The following CNBD1 variants were observed in gnomAD, a reference collection of about 807,000 sequenced individuals.
CNBD1 encodes cyclic nucleotide-binding domain-containing protein 1.
In CNBD1, 71 loss-of-function variants were observed where a neutral mutation model predicts 54.4. The observed-to-expected ratio is 1.30, with a 90% CI of 1.08 to 1.59. CNBD1 has a LOEUF of 1.59. CNBD1 is among the 40% of genes most tolerant of loss of function. The probability of loss-of-function intolerance (pLI) is 0.00; values close to 1 mark genes in which losing one functional copy is unlikely to be tolerated. For synonymous variants in CNBD1, 182 were observed against 170.7 expected (o/e 1.07, Z -0.51); for missense variants, 659 against 518.0 (o/e 1.27, Z -2.64).
chr8:87,373,334 A>T (rs1810858641), intron 10 of CNBD1, among the ~76,000 whole-genome samples: 1 of 151,842 alleles, frequency 6.6e-6, no homozygotes, highest in Non-Finnish European at 1.5e-5. Context: ...ATATTGAAAT[A>T]TATTGTTGAC....
chr8:87,027,990 C>T (rs1809691829), intron 4 of CNBD1, among the ~76,000 whole-genome samples: 1 of 152,074 alleles, frequency 6.6e-6, no homozygotes, highest in African/African-American at 2.4e-5. Flanking sequence ...GAGAGGAGCC[C>T]ATCCCAGTGT....
chr8:86,946,252 C>A (rs185362934), intron 4 of CNBD1, among the ~76,000 whole-genome samples: 42 of 152,246 alleles, frequency 2.8e-4, no homozygotes, highest in African/African-American at 9.9e-4. Context: ...ATTCAAATTT[C>A]TCCTACAACT....
intron 4 of CNBD1, among the ~76,000 whole-genome samples, chr8:87,031,771 CG>C (rs1394774673): frequency 6.6e-6 from 1 of 152,080 alleles, no homozygotes; most frequent in African/African-American, 2.4e-5. Flanking sequence ...GATGGAGTCT[CG>C]CTCTATCACC....
downstream of CNBD1, chr8:87,382,895 C>A: frequency 5.9e-6 from 2 of 338,708 alleles, no homozygotes. Flanking sequence ...TCAAGTGTTT[C>A]GGTATACATG....
intron 6 of CNBD1, among the ~76,000 whole-genome samples, chr8:87,238,303 A>G (rs150172825): frequency 1.3e-5 from 2 of 152,220 alleles, no homozygotes; most frequent in Admixed American, 1.3e-4. Flanking sequence ...CCAAGAAACC[A>G]ATGTGGAAAC....
chr8:87,060,327 A>T (rs1810515829), intron 4 of CNBD1, among the ~76,000 whole-genome samples: 1 of 152,246 alleles, frequency 6.6e-6, no homozygotes, highest in Admixed American at 6.5e-5. Context: ...TAGAAAAAGA[A>T]TACAGAAATT....
rs183215342 is a variant in CNBD1, at chr8:87,084,439, A to T, written c.432-121554A>T. Reference sequence around the variant, plus strand: ...CTTTGTTTCTTCTTTGCTTTGAGAGATGTTCCCACTAATAAAGAAGTCTGG... The same window carrying T: ...CTTTGTTTCTTCTTTGCTTTGAGAGTTGTTCCCACTAATAAAGAAGTCTGG... On this transcript the variant is annotated intron_variant, in intron 4 of 10. Coordinates refer to ENST00000518476, the MANE Select transcript of CNBD1 (RefSeq NM_173538.3). Among the ~76,000 whole-genome samples, 186 of 152,200 alleles carry T rather than the reference A, an allele frequency of 1.2e-3. 1 individual carries two copies. The highest frequency in any genetic ancestry group is 6.0e-3 in the South Asian group (29 of 4,828).
rs191465057 is a variant in CNBD1 at position 87,312,880 on chromosome 8, T to C, written c.1042+26209T>C. ...AGATTGCCAAACTTCACAGGAGTTT[T>C]TAGGAAGATAGAGCTATGAGATTTG... On this transcript the variant is annotated intron_variant, in intron 8 of 10. Transcript: ENST00000518476. Among the ~76,000 whole-genome samples, 425 of 152,134 alleles carry C rather than the reference T, an allele frequency of 2.8e-3. 1 individual carries two copies. Among genetic ancestry groups the C allele is most frequent in the Admixed American group, 4.6e-3 (70 of 15,244 alleles).
rs531448511 is a variant in CNBD1 at position 87,166,819 on chromosome 8, C to T, written c.432-39174C>T. On this transcript the variant is annotated intron_variant, in intron 4 of 10. Transcript: ENST00000518476. This position sits in a 1 kb window ranked among gnomAD's most constrained non-coding sequence, Gnocchi z 4.3. The stretch of plus-strand genomic sequence containing the variant: ...CCTGCTATGAACACCCTATGTCAGG[C>T]ATTCTGCAACCCCACCACAAACTCA... 1.1e-3 allele frequency among the ~76,000 whole-genome samples: 168 copies of T among 152,080 alleles called. 1 individual carries two copies. The South Asian group carries it at 0.03, about 27-fold the overall frequency.
chr8:87,318,399 TCAGG>T (rs1462138220), intron 8 of CNBD1, among the ~76,000 whole-genome samples: 1 of 152,132 alleles, frequency 6.6e-6, no homozygotes, highest in Non-Finnish European at 1.5e-5. Context: ...TTAATCTTTC[TCAGG>T]CAGGATCAGA....
intron 4 of CNBD1, among the ~76,000 whole-genome samples, chr8:86,979,704 T>A (rs1457299545): frequency 6.6e-6 from 1 of 152,202 alleles, no homozygotes; most frequent in African/African-American, 2.4e-5. Flanking sequence ...AAAACAGATT[T>A]TTATTTAGAA....
At chr8:86,898,561 G>A in intron 2 of CNBD1, among the ~76,000 whole-genome samples, 1 of 152,198 alleles carries the variant, frequency 6.6e-6, no homozygotes, top group Non-Finnish European at 1.5e-5. Context: ...CAAGCCAATT[G>A]AATGGAGAAA....
chr8:87,085,722 T>A (rs1811083272), intron 4 of CNBD1, among the ~76,000 whole-genome samples: 1 of 152,130 alleles, frequency 6.6e-6, no homozygotes, highest in South Asian at 2.1e-4. Flanking sequence ...TCTTGTACTT[T>A]TCTCAGCAGG....
At position 87,390,331 on chromosome 8, in the gene CNBD1, AT is replaced by A. The variant is rs1240320813; in HGVS notation, c.213+36550del. Among the ~76,000 whole-genome samples the A allele has an allele frequency of 2.0e-5, 3 of 152,172 alleles. No individual in the cohort carries two copies. The East Asian group carries it at 5.8e-4, about 29-fold the overall frequency. On this transcript the variant is annotated intron_variant, in intron 2 of 7. Coordinates refer to the CNBD1 transcript ENST00000521593. ...CAGGCAACCTACAGTATGGGAAAAA[AT>A]TTTTGCAATCTACTCATCTGACAAA...
chr8:86,933,972 T>G (rs1809501550), intron 3 of CNBD1, among the ~76,000 whole-genome samples: 1 of 152,134 alleles, frequency 6.6e-6, no homozygotes, highest in Non-Finnish European at 1.5e-5. Flanking sequence ...AGATTCATAG[T>G]CTATTCATAT....
chr8:87,259,815 C>T (rs556428292), intron 6 of CNBD1, among the ~76,000 whole-genome samples: 6 of 152,196 alleles, frequency 3.9e-5, no homozygotes, highest in South Asian at 4.1e-4. Context: ...TTTGAATAAC[C>T]GCTTTTAATT....
At chr8:87,102,885 G>T (rs1044143332) in intron 4 of CNBD1, among the ~76,000 whole-genome samples, 1 of 152,054 alleles carries the variant, frequency 6.6e-6, no homozygotes, top group Admixed American at 6.6e-5. Flanking sequence ...AAGTGCTGGG[G>T]TTACAGGTGT....
intron 2 of CNBD1, among the ~76,000 whole-genome samples, chr8:87,421,128 C>A (rs1047220015): frequency 1.3e-5 from 2 of 151,922 alleles, no homozygotes; most frequent in African/African-American, 4.8e-5. Context: ...TGTATTGATT[C>A]CAACAGTGTA....
chr8:87,108,944 G>A (rs1269892817), intron 4 of CNBD1, among the ~76,000 whole-genome samples: 1 of 152,048 alleles, frequency 6.6e-6, no homozygotes, highest in Non-Finnish European at 1.5e-5. Context: ...AACAAAAATA[G>A]CATTTGGTAA....
Sources: gnomAD v4.1 joint callset for allele counts (sites outside exome capture counted in the v4.1 genomes callset) on GRCh38, gnomAD v4.1.1 for gene constraint, Gnocchi (gnomAD v3.1) non-coding constraint, MANE v1.5 for transcripts, NCBI Gene and HGNC (gene_info 2026-07-23, HGNC 2026-07-21) for gene names.